MYO10: variants seen among roughly 807,000 people sequenced by gnomAD.
MYO10 encodes the protein myosin X, also known as unconventional myosin-X.
In MYO10, 133 loss-of-function variants were observed where a neutral mutation model predicts 257.3. That is an observed-to-expected ratio of 0.52 (90% CI 0.45 to 0.60). The LOEUF (loss-of-function observed/expected upper bound fraction) is 0.60. Among genes scored for constraint, MYO10 ranks in the 20% least tolerant of loss-of-function variants. The pLI is 0.00. For missense variants in MYO10, 2,399 were observed against 2,635.7 expected (o/e 0.91, Z 1.97); for synonymous variants, 1,104 against 1,028.6 (o/e 1.07, Z -1.40).
At chr5:16,773,339 T>C (rs886985743) in intron 9 of MYO10, among the ~76,000 whole-genome samples, 4 of 152,192 alleles carry the variant, frequency 2.6e-5, no homozygotes, top group South Asian at 4.1e-4. Flanking sequence ...TTAAAGACCA[T>C]ATCAGATATC....
intron 35 of MYO10, 32 bp from the exon 36 acceptor site, chr5:16,673,921 G>C: frequency 6.3e-7 from 1 of 1,597,610 alleles, no homozygotes; most frequent in Non-Finnish European, 8.6e-7. Context: ...TTAATTTTTA[G>C]ACTGATGGGG....
chr5:16,933,143 AG>A (rs770412740), intron 1 of MYO10, among the ~76,000 whole-genome samples: 3 of 152,214 alleles, frequency 2.0e-5, no homozygotes, highest in Non-Finnish European at 4.4e-5. Context: ...ACTGCTTCAC[AG>A]GTCTAGCTCA....
intron 26 of MYO10, 93 bp from the exon 27 acceptor site, chr5:16,694,707 G>C: frequency 6.6e-7 from 1 of 1,507,958 alleles, no homozygotes; most frequent in Non-Finnish European, 9.0e-7. Context: ...AGGTCTAGCC[G>C]AGCTTAGACT....
intron 26 of MYO10, 61 bp downstream of exon 26, chr5:16,699,389 C>T: frequency 6.4e-7 from 1 of 1,573,668 alleles, no homozygotes; most frequent in Non-Finnish European, 8.6e-7. Flanking sequence ...ATCCATCAGC[C>T]CGGATAAAAT....
intron 19 of MYO10, among the ~76,000 whole-genome samples, chr5:16,721,300 T>C (rs1357876735): frequency 6.6e-6 from 1 of 152,184 alleles, no homozygotes; most frequent in East Asian, 1.9e-4. Context: ...GAGTGGTGAA[T>C]AAATATTCTC....
intron 9 of MYO10, among the ~76,000 whole-genome samples, chr5:16,770,217 GAC>G (rs1002127212): frequency 2.6e-5 from 4 of 152,092 alleles, no homozygotes; most frequent in African/African-American, 9.7e-5. Context: ...GAGCCTGGGT[GAC>G]ACAGTTAAGA....
At chr5:16,740,247 G>A (rs1432268823) in intron 19 of MYO10, among the ~76,000 whole-genome samples, 8 of 152,142 alleles carry the variant, frequency 5.3e-5, no homozygotes, top group Non-Finnish European at 8.8e-5. Context: ...CTTTGTAGCC[G>A]CTGGGGGAGC....
chr5:16,741,874 G>A lies in MYO10; in HGVS notation c.1929+12954C>T, dbSNP rs16869070. The stretch of plus-strand genomic sequence containing the variant: ...CTGCATCTTTAGCAGTCCGGGCAAG[G>A]GCATCTAAGCTGACAGACACAAAAA... On this transcript the variant is annotated intron_variant, in intron 19 of 40. Coordinates refer to ENST00000513610, the MANE Select transcript of MYO10 (RefSeq NM_012334.3). The A allele has an allele frequency of 0.012, 11,974 of 985,284 alleles. 1,009 individuals carry two copies. The African/African-American group carries it at 0.19, about 15-fold the overall frequency. 61.0% of individuals were successfully genotyped at this position (985,284 alleles called of 1,614,324 possible). A position where few individuals can be genotyped will look rare whatever the true frequency, so the allele number is the denominator to read the frequency against.
At chr5:16,873,576 A>G (rs1321401133) in intron 2 of MYO10, among the ~76,000 whole-genome samples, 1 of 152,174 alleles carries the variant, frequency 6.6e-6, no homozygotes, top group Non-Finnish European at 1.5e-5. Context: ...TCCCTTCCAC[A>G]CTGCCCTAGC....
At chr5:16,693,345 C>A (rs1402854374) in intron 27 of MYO10, among the ~76,000 whole-genome samples, 1 of 152,210 alleles carries the variant, frequency 6.6e-6, no homozygotes, top group Non-Finnish European at 1.5e-5. Context: ...GGCAACAGAG[C>A]CATGCCTTGC....
rs143064555 is a variant in MYO10, at chr5:16,841,935, T to G, written c.121-23768A>C. 5.9e-3 allele frequency among the ~76,000 whole-genome samples: 840 copies of G among 141,214 alleles called. 8 individuals are homozygous for G. Among genetic ancestry groups the G allele is most frequent in the Non-Finnish European group, 9.6e-3 (642 of 67,058 alleles). 92.6% of individuals were successfully genotyped at this position (141,214 alleles called of 152,430 possible). The stretch of plus-strand genomic sequence containing the variant: ...CAGGCAAAGCCATAATATTTCCTGC[T>G]GAGATTAGCACAATATCTGATAACT... On this transcript the variant is annotated intron_variant, in intron 2 of 40. Transcript: ENST00000513610.
At position 16,681,382 on chromosome 5, in the gene MYO10, G is replaced by A. The variant is rs941513497; in HGVS notation, c.4311C>T (p.Leu1437=). ...DYYKSSEKNA[L]KLGTLVLNSL... The stretch of plus-strand genomic sequence containing the variant: ...TGTTGAGGACCAGGGTCCCCAGTTT[G>A]AGCGCGTTCTTCTCTGAACTCTTGT... Residue 1437 remains leucine (L), a synonymous_variant, in exon 32 of 41, where the codon CTC becomes CTT. Coordinates refer to ENST00000513610, the MANE Select transcript of MYO10 (RefSeq NM_012334.3). The A allele has an allele frequency of 6.2e-7, 1 of 1,614,010 alleles. No individual in the cohort carries two copies. The highest frequency in any genetic ancestry group is 8.5e-7 in the Non-Finnish European group (1 of 1,179,890).
In MYO10 at chr5:16,703,071, C is replaced by G. The variant is rs1019536960; in HGVS notation, c.2364G>C (p.Leu788=). Residue 788 remains leucine, a synonymous_variant, in exon 23 of 41, where the codon CTG becomes CTC. Coordinates refer to ENST00000513610, the MANE Select transcript of MYO10 (RefSeq NM_012334.3). ...TCTGGAAAACTATGGCTGCCTTTTTCAGGTGCAAAAATCTCCTCCTCAGAA... is the reference window on the plus strand; with the variant it reads ...TCTGGAAAACTATGGCTGCCTTTTTGAGGTGCAAAAATCTCCTCCTCAGAA... ...AFLLRRRFLH[L]KKAAIVFQKQ... 1.9e-6 allele frequency: 3 copies of G among 1,565,874 alleles called. No homozygotes were observed. Among genetic ancestry groups the G allele is most frequent in the Non-Finnish European group, 2.6e-6 (3 of 1,153,726 alleles).
intron 28 of MYO10, among the ~76,000 whole-genome samples, chr5:16,686,859 TG>T (rs1054114278): frequency 6.6e-6 from 1 of 152,160 alleles, no homozygotes; most frequent in African/African-American, 2.4e-5. Flanking sequence ...ATTCCCAGGA[TG>T]GGGTTTTCAA....
chr5:16,701,381 T>C lies in MYO10; in HGVS notation c.3014A>G (p.Lys1005Arg). The change falls in exon 25 of 41, where the codon AAG becomes AGG. Residue 1005 changes from lysine to arginine, a missense_variant. By Grantham distance (26) the Lys-to-Arg change is conservative (BLOSUM62 2). Around this residue, in one of 3 missense-constraint regions of MYO10, gnomAD observed 1,820 missense variants for 1,939.4 expected, o/e 0.94. Coordinates refer to ENST00000513610, the MANE Select transcript of MYO10 (RefSeq NM_012334.3). This position sits in a 1 kb window ranked among gnomAD's most constrained non-coding sequence, Gnocchi z 8.1. ...GTGCTCGCTGGGGTTGGGGGAGTCC[T>C]TGAAGGCGTCGTCGTCGGCTTCGAA... ...EGFEADDDAF[K>R]DSPNPSEHGH... 1 of 1,614,022 alleles carries C rather than the reference T, an allele frequency of 6.2e-7. No homozygotes were observed. The highest frequency in any genetic ancestry group is 8.5e-7 in the Non-Finnish European group (1 of 1,179,892).
intron 2 of MYO10, among the ~76,000 whole-genome samples, chr5:16,827,347 A>C (rs981656894): frequency 4.6e-5 from 7 of 152,116 alleles, no homozygotes; most frequent in Non-Finnish European, 8.8e-5. Context: ...GCAGTGGCAC[A>C]GTCTCGACTC....
intron 1 of MYO10, 94 bp downstream of exon 1, chr5:16,935,694 G>A: frequency 1.1e-5 from 17 of 1,503,808 alleles, no homozygotes; most frequent in Non-Finnish European, 1.6e-5. Context: ...CGCCTTCCAG[G>A]GCTTAGGAAA....
Position 16,701,691 on chromosome 5 carries a change from G to T in MYO10, c.2704C>A (p.Arg902Ser). Reference sequence around the variant, plus strand: ...GACAGCTCCTGCTGCTCCTTCATGCGCTGCAGGTCCTCGATTTCTTTCTCC... The same window carrying T: ...GACAGCTCCTGCTGCTCCTTCATGCTCTGCAGGTCCTCGATTTCTTTCTCC... The part of the protein sequence containing the change: ...RLEKEIEDLQ[R>S]MKEQQELSLT... The change falls in exon 25 of 41, where the codon CGC becomes AGC. Residue 902 changes from arginine (R) to serine (S), a missense_variant. Arg to Ser is a moderately radical substitution (Grantham distance 110). Around this residue, in one of 3 missense-constraint regions of MYO10, gnomAD observed 1,820 missense variants for 1,939.4 expected, o/e 0.94. Transcript: ENST00000513610. This position sits in a 1 kb window ranked among gnomAD's most constrained non-coding sequence, Gnocchi z 8.1. 6.2e-7 allele frequency: 1 copy of T among 1,613,966 alleles called. No homozygotes were observed. The highest frequency in any genetic ancestry group is 8.5e-7 in the Non-Finnish European group (1 of 1,179,866).
intron 19 of MYO10, among the ~76,000 whole-genome samples, chr5:16,720,247 G>A (rs1290622856): frequency 2.0e-5 from 3 of 151,986 alleles, no homozygotes; most frequent in Admixed American, 6.6e-5. Flanking sequence ...CCAAACAAAG[G>A]AGCTGAGCAT....
Sources: gnomAD v4.1 joint callset for allele counts (sites outside exome capture counted in the v4.1 genomes callset) on GRCh38, gnomAD v4.1.1 for gene constraint, gnomAD v4.1.1 regional missense constraint, Gnocchi (gnomAD v3.1) non-coding constraint, MANE v1.5 for transcripts, NCBI Gene and HGNC (gene_info 2026-07-23, HGNC 2026-07-21) for gene names.